Variants in NUMA1 observed in about 807,000 individuals in gnomAD.
NUMA1 encodes SP-H antigen.
NUMA1 carries 62 observed loss-of-function variants against 237.1 expected under a neutral mutation model. That is an observed-to-expected ratio of 0.26 (90% CI 0.21 to 0.32). NUMA1 has a LOEUF of 0.32. NUMA1 is among the 10% of genes least tolerant of loss of function. The pLI, the probability that NUMA1 is intolerant of heterozygous loss-of-function variation, is 1.00. For synonymous variants in NUMA1, 1,028 were observed against 1,066.1 expected, an observed-to-expected ratio of 0.96 and a Z score of 0.70; for missense variants, 2,533 against 2,666.5, an observed-to-expected ratio of 0.95 and a Z score of 1.10.
rs775358644 is a variant in NUMA1 at position 72,015,081 on chromosome 11, T to C, written c.2422A>G (p.Lys808Glu). The C allele has an allele frequency of 1.9e-6, 3 of 1,613,866 alleles. No individual in the cohort carries two copies. Among genetic ancestry groups the C allele is most frequent in the Non-Finnish European group, 2.5e-6 (3 of 1,180,040 alleles). Reference sequence around the variant, plus strand: ...CGCTCACGCCAGGCAGCTACTTCTTTGACGAGCTGCTCACACTCACTCTCA... The same window carrying C: ...CGCTCACGCCAGGCAGCTACTTCTTCGACGAGCTGCTCACACTCACTCTCA... ...TAESECEQLVKEVAAWRERYE... is the reference protein window; with the variant it reads ...TAESECEQLVEEVAAWRERYE... The change falls in exon 15 of 27, where the codon AAA becomes GAA. Residue 808 changes from lysine to glutamate, a missense_variant. Physicochemically the swap from Lys to Glu is moderately conservative, Grantham distance 56. Coordinates refer to ENST00000393695, the MANE Select transcript of NUMA1 (RefSeq NM_006185.4). The surrounding 1 kb of genome is among the most constrained non-coding windows in gnomAD (Gnocchi z 4.0).
chr11:72,006,399 G>A, intron 21 of NUMA1, 136 bp from the exon 22 acceptor site: 2 of 685,408 alleles, frequency 2.9e-6, no homozygotes, highest in East Asian at 2.8e-5. Context: ...CTTAAAGTGT[G>A]TGTCTGCAAG....
intron 23 of NUMA1, among the ~76,000 whole-genome samples, chr11:72,005,029 C>T (rs1358524747): frequency 6.6e-6 from 1 of 152,144 alleles, no homozygotes; most frequent in Non-Finnish European, 1.5e-5. Context: ...GACCAGATTC[C>T]TCTCTGAGCT....
At chr11:72,075,558 T>C (rs753306007) in intron 1 of NUMA1, among the ~76,000 whole-genome samples, 1 of 152,226 alleles carries the variant, frequency 6.6e-6, no homozygotes, top group Non-Finnish European at 1.5e-5. Context: ...GGTACAGCTA[T>C]TCCAGATCCC....
intron 22 of NUMA1, chr11:72,005,714 C>A: frequency 2.0e-6 from 1 of 496,838 alleles, no homozygotes; most frequent in Non-Finnish European, 3.5e-6. Context: ...CAAGAGCTTC[C>A]AAGAAGAGTC....
In NUMA1 at chr11:72,003,144, G is replaced by T; in HGVS notation, c.*383C>A. On this transcript the variant is annotated 3_prime_UTR_variant, in exon 27 of 27. Transcript: ENST00000393695. Reference sequence around the variant, plus strand: ...CCTGCTGGGCCCAGCCACCAGGACAGCAGGAACCAGGGCCTACTCCTCTTA... The same window carrying T: ...CCTGCTGGGCCCAGCCACCAGGACATCAGGAACCAGGGCCTACTCCTCTTA... 1 of 289,892 alleles carries T rather than the reference G, an allele frequency of 3.4e-6. No individual in the cohort carries two copies. 18.0% of individuals were successfully genotyped at this position (289,892 alleles called of 1,614,324 possible). A position where few individuals can be genotyped will look rare whatever the true frequency, so the allele number is the denominator to read the frequency against.
In NUMA1 at chr11:72,076,834, T is replaced by A. The variant is rs570596894; in HGVS notation, c.-103+3624A>T. 10 of 151,720 alleles carry A rather than the reference T, an allele frequency of 6.6e-5. No homozygotes were observed. The South Asian group carries it at 2.1e-3, about 32-fold the overall frequency. The allele number at this position is 151,720 out of a possible 1,614,324, so 9.4% of individuals were successfully genotyped here. ...TTTTGGGGGTGAGAGAAATCCTCTG[T>A]ATCTTGATTATGGCTGCTGTTTACA... On this transcript the variant is annotated intron_variant, in intron 1 of 26. Coordinates refer to ENST00000393695, the MANE Select transcript of NUMA1 (RefSeq NM_006185.4).
chr11:72,064,090 A>T (rs1943092703), intron 2 of NUMA1, among the ~76,000 whole-genome samples: 1 of 152,198 alleles, frequency 6.6e-6, no homozygotes, highest in African/African-American at 2.4e-5. Flanking sequence ...AAGGAAAACT[A>T]AATATCTAAC....
At chr11:72,017,560 AG>A in intron 13 of NUMA1, 126 bp downstream of exon 13, 1 of 1,160,270 alleles carries the variant, frequency 8.6e-7, no homozygotes, top group Non-Finnish European at 1.3e-6. Flanking sequence ...TTTCAATTAC[AG>A]CACACTATTG....
At chr11:72,043,273 G>A (rs947292226) in intron 2 of NUMA1, among the ~76,000 whole-genome samples, 28 of 151,962 alleles carry the variant, frequency 1.8e-4, no homozygotes, top group Non-Finnish European at 3.5e-4. Context: ...GCCAGCCTGG[G>A]CAACATGGCG....
Position 72,003,032 on chromosome 11 carries a change from T to C in NUMA1, c.*495A>G, listed in dbSNP as rs1541304. ...GTCCCCCAACCCCACTCCTGAGACATAGGGCCCATCCGTCCTGGGAAAGAG... is the reference window on the plus strand; with the variant it reads ...GTCCCCCAACCCCACTCCTGAGACACAGGGCCCATCCGTCCTGGGAAAGAG... On this transcript the variant is annotated 3_prime_UTR_variant, in exon 27 of 27. Coordinates refer to ENST00000393695, the MANE Select transcript of NUMA1 (RefSeq NM_006185.4). The C allele has an allele frequency of 0.94, 222,812 of 236,480 alleles. 105,265 individuals carry two copies. The highest frequency in any genetic ancestry group is 0.98 in the Non-Finnish European group (117,540 of 120,008). The allele number at this position is 236,480 out of a possible 1,614,324, so 14.6% of individuals were successfully genotyped here. A position where few individuals can be genotyped will look rare whatever the true frequency, so the allele number is the denominator to read the frequency against.
chr11:72,025,117 C>T (rs942520684), intron 4 of NUMA1, among the ~76,000 whole-genome samples: 1 of 152,204 alleles, frequency 6.6e-6, no homozygotes, highest in African/African-American at 2.4e-5. Context: ...AGGCTGGTCT[C>T]AAACTCCTGA....
At chr11:72,067,183 A>AT (rs1943238605) in intron 2 of NUMA1, 2 of 152,288 alleles carry the variant, frequency 1.3e-5, no homozygotes, top group African/African-American at 4.8e-5. Context: ...AAAGTAGCCT[A>AT]TTTTATCTTT....
At chr11:72,026,639 C>G (rs771145920) in intron 4 of NUMA1, among the ~76,000 whole-genome samples, 1 of 152,148 alleles carries the variant, frequency 6.6e-6, no homozygotes, top group Non-Finnish European at 1.5e-5. Context: ...ACTCCCACAG[C>G]TTATTTTTTT....
intron 24 of NUMA1, 143 bp from the exon 25 acceptor site, chr11:72,004,484 CTTCCCAACAG>C (rs1955535986): frequency 3.3e-6 from 4 of 1,214,248 alleles, no homozygotes; most frequent in Non-Finnish European, 3.5e-6. Flanking sequence ...AGATCCTTCC[CTTCCCAACAG>C]TTCCCATCCA....
Position 72,015,282 on chromosome 11 carries a change from C to T in NUMA1, c.2221G>A (p.Ala741Thr). The change falls in exon 15 of 27, where the codon GCA becomes ACA. Residue 741 changes from alanine to threonine, a missense_variant. Ala to Thr is a moderately conservative substitution (Grantham distance 58). This residue lies in a region of NUMA1 where 1,414 missense variants were observed against 1,508.1 expected (regional missense o/e 0.94). Coordinates refer to ENST00000393695, the MANE Select transcript of NUMA1 (RefSeq NM_006185.4). The surrounding 1 kb of genome is among the most constrained non-coding windows in gnomAD (Gnocchi z 4.0). The stretch of plus-strand genomic sequence containing the variant: ...TGCTCCACCAGGCTTCGGGTCTCTG[C>T]CTTCAGCTCAGAGATACAACGCTGC... ...EQQRCISELKAETRSLVEQHK... is the reference protein window; with the variant it reads ...EQQRCISELKTETRSLVEQHK... 1 of 1,613,652 alleles carries T rather than the reference C, an allele frequency of 6.2e-7. No homozygotes were observed. The highest frequency in any genetic ancestry group is 8.5e-7 in the Non-Finnish European group (1 of 1,180,036).
At chr11:72,035,801 G>A in intron 3 of NUMA1, 101 bp downstream of exon 3, 2 of 1,032,962 alleles carry the variant, frequency 1.9e-6, no homozygotes, top group South Asian at 1.3e-5. Context: ...GTCTAGAAAT[G>A]AGAAGACTTT....
intron 16 of NUMA1, among the ~76,000 whole-genome samples, chr11:72,011,949 C>T (rs954023757): frequency 4.6e-5 from 7 of 152,140 alleles, no homozygotes; most frequent in East Asian, 1.9e-4. Context: ...GGGGCTGCCT[C>T]GCATATCACC....
At position 72,015,347 on chromosome 11, in the gene NUMA1, T is replaced by A. The variant is rs1249458963; in HGVS notation, c.2156A>T (p.Glu719Val). 1 of 1,613,176 alleles carries A rather than the reference T, an allele frequency of 6.2e-7. No homozygotes were observed. Among genetic ancestry groups the A allele is most frequent in the Non-Finnish European group, 8.5e-7 (1 of 1,180,040 alleles). ...ESLKVTKGSL[E>V]EEKRRAADAL... is the part of the protein sequence containing the mutation. The stretch of plus-strand genomic sequence containing the variant: ...ATCTGCAGCCCTGCGCTTCTCCTCT[T>A]CAAGGCTGCCCTTGGTGACCTTCAA... The change falls in exon 15 of 27, where the codon GAA becomes GTA. Residue 719 changes from glutamate to valine, a missense_variant. Glu to Val is a moderately radical substitution (Grantham distance 121). Coordinates refer to ENST00000393695, the MANE Select transcript of NUMA1 (RefSeq NM_006185.4). The surrounding 1 kb of genome is among the most constrained non-coding windows in gnomAD (Gnocchi z 4.0).
chr11:72,050,998 C>T (rs1341158869), intron 2 of NUMA1, among the ~76,000 whole-genome samples: 3 of 151,830 alleles, frequency 2.0e-5, no homozygotes, highest in Non-Finnish European at 2.9e-5. Context: ...AGTGATCCTC[C>T]CGCCTCAGCC....
Sources: gnomAD v4.1 joint callset for allele counts (sites outside exome capture counted in the v4.1 genomes callset) on GRCh38, gnomAD v4.1.1 for gene constraint, gnomAD v4.1.1 regional missense constraint, Gnocchi (gnomAD v3.1) non-coding constraint, MANE v1.5 for transcripts, NCBI Gene and HGNC (gene_info 2026-07-23, HGNC 2026-07-21) for gene names.